The following FGF13 variants were observed in gnomAD, a reference collection of about 807,000 sequenced individuals.
The protein encoded by FGF13 is fibroblast growth factor 13.
FGF13 carries 2 observed loss-of-function variants against 19.5 expected under a neutral mutation model. The observed-to-expected ratio is 0.10, with a 90% CI of 0.04 to 0.32. The LOEUF is 0.32. FGF13 is among the 10% of genes least tolerant of loss of function. The probability of loss-of-function intolerance (pLI) is 1.00; values close to 1 mark genes in which losing one functional copy is unlikely to be tolerated. For synonymous variants in FGF13, 72 were observed against 76.9 expected (o/e 0.94, Z 0.33); for missense variants, 113 against 192.7 (o/e 0.59, Z 2.45).
intron 3 of FGF13, among the ~76,000 whole-genome samples, chrX:138,816,663 C>T (rs997938364): frequency 2.7e-5 from 3 of 112,604 alleles, no homozygotes; most frequent in African/African-American, 9.7e-5. Context: ...CAAGCTTGTC[C>T]AACCCATGGC....
At chrX:138,911,587 ACCTG>A (rs1422426526) in intron 1 of FGF13, among the ~76,000 whole-genome samples, 2 of 111,005 alleles carry the variant, frequency 1.8e-5, no homozygotes, top group African/African-American at 6.6e-5. Flanking sequence ...TATATAACAA[ACCTG>A]CACATGTACC....
At chrX:139,119,769 G>T (rs149137612) in intron 1 of FGF13, among the ~76,000 whole-genome samples, 1 of 112,369 alleles carries the variant, frequency 8.9e-6, no homozygotes, top group East Asian at 2.8e-4. Context: ...CATAAAGCAG[G>T]CACTCTTTTA....
intron 3 of FGF13, among the ~76,000 whole-genome samples, chrX:138,845,064 G>A (rs2091172410): frequency 9.0e-6 from 1 of 111,672 alleles, no homozygotes; most frequent in African/African-American, 3.2e-5. Flanking sequence ...ATATTGTTGA[G>A]CCCAGGAAGG....
At chrX:138,902,815 T>A (rs1002945075) in intron 1 of FGF13, among the ~76,000 whole-genome samples, 3 of 111,768 alleles carry the variant, frequency 2.7e-5, no homozygotes, top group Non-Finnish European at 5.6e-5. Flanking sequence ...ATCACCTAAA[T>A]GCCTAAGTAA....
intron 1 of FGF13, among the ~76,000 whole-genome samples, chrX:139,093,266 A>G (rs1421079783): frequency 2.7e-5 from 3 of 111,868 alleles, no homozygotes; most frequent in Non-Finnish European, 3.8e-5. Context: ...TCACAATCAC[A>G]CCTCAGCTTT....
intron 3 of FGF13, among the ~76,000 whole-genome samples, chrX:138,801,825 T>G (rs2090831574): frequency 8.9e-6 from 1 of 112,377 alleles, no homozygotes; most frequent in African/African-American, 3.2e-5. Context: ...ACAGCTGCTT[T>G]GCTGCACTGT....
At chrX:138,758,511 C>G (rs1178963394) in intron 3 of FGF13, among the ~76,000 whole-genome samples, 3 of 111,093 alleles carry the variant, frequency 2.7e-5, no homozygotes, top group African/African-American at 9.8e-5. Context: ...CCACTCATCT[C>G]TGCTCTGGAT....
At chrX:138,679,137 C>T (rs1467495796) in intron 3 of FGF13, among the ~76,000 whole-genome samples, 1 of 112,189 alleles carries the variant, frequency 8.9e-6, no homozygotes. Flanking sequence ...AGTGCTGTGA[C>T]ATGATCACAG....
At chrX:139,008,806 A>G (rs1229683688) in intron 1 of FGF13, among the ~76,000 whole-genome samples, 1 of 112,023 alleles carries the variant, frequency 8.9e-6, no homozygotes, top group Non-Finnish European at 1.9e-5. Context: ...TAACACCCCC[A>G]AAACATCATA....
chrX:139,121,502 C>T (rs1216582729), intron 1 of FGF13, among the ~76,000 whole-genome samples: 1 of 111,147 alleles, frequency 9.0e-6, no homozygotes, highest in Non-Finnish European at 1.9e-5. Context: ...TGTGCTCAAA[C>T]TCTCTTCCTG....
At chrX:138,725,718 C>A (rs890461338) in intron 1 of FGF13, among the ~76,000 whole-genome samples, 1 of 110,977 alleles carries the variant, frequency 9.0e-6, no homozygotes, top group Non-Finnish European at 1.9e-5. Flanking sequence ...TTTTTCCTAA[C>A]GGTATTTGGC....
intron 3 of FGF13, among the ~76,000 whole-genome samples, chrX:138,800,824 C>G (rs773644244): frequency 4.5e-5 from 5 of 111,985 alleles, no homozygotes; most frequent in African/African-American, 1.6e-4. Flanking sequence ...TGCTTTATTT[C>G]AGTAAGCTGA....
intron 2 of FGF13, 38 bp from the exon 3 acceptor site, chrX:138,703,125 T>C (rs886540291): frequency 3.0e-5 from 32 of 1,056,972 alleles, no homozygotes; most frequent in Non-Finnish European, 3.6e-5. Flanking sequence ...GTGTTACAAT[T>C]CTGAATTTCA....
chrX:138,856,629 G>C (rs1490308797), downstream of FGF13, among the ~76,000 whole-genome samples: 1 of 112,027 alleles, frequency 8.9e-6, no homozygotes, highest in Non-Finnish European at 1.9e-5. Flanking sequence ...TTGGTAAACT[G>C]CCTCAGTGAT....
intron 1 of FGF13, among the ~76,000 whole-genome samples, chrX:138,888,399 T>C (rs2124190834): frequency 9.0e-6 from 1 of 111,364 alleles, no homozygotes; most frequent in East Asian, 2.8e-4. Flanking sequence ...TCTCACTATC[T>C]CTTCTACTTC....
chrX:138,914,313 T>C (rs1248323272), intron 1 of FGF13, among the ~76,000 whole-genome samples: 13 of 109,194 alleles, frequency 1.2e-4, no homozygotes, highest in Admixed American at 1.1e-3. Flanking sequence ...ACAATCCTTC[T>C]GGCCCCATCC....
intron 3 of FGF13, chrX:138,667,787 C>G: frequency 2.9e-6 from 1 of 343,213 alleles, no homozygotes; most frequent in South Asian, 2.7e-5. Flanking sequence ...GGTCTCCCAA[C>G]AGCAGCTGAT....
chrX:138,963,705 G>C (rs2091884094), intron 1 of FGF13, among the ~76,000 whole-genome samples: 1 of 112,326 alleles, frequency 8.9e-6, no homozygotes, highest in Non-Finnish European at 1.9e-5. Flanking sequence ...AGCCTACTGA[G>C]TAGCAAAATA....
intron 1 of FGF13, among the ~76,000 whole-genome samples, chrX:138,965,397 G>A (rs2091890893): frequency 8.9e-6 from 1 of 112,324 alleles, no homozygotes; most frequent in African/African-American, 3.2e-5. Flanking sequence ...TTGACACAAA[G>A]GATGGACTTG....
Sources: allele counts gnomAD v4.1 joint callset (sites outside exome capture counted in the v4.1 genomes callset), GRCh38; gene constraint gnomAD v4.1.1; transcripts MANE v1.5; gene names NCBI Gene and HGNC (gene_info 2026-07-23, HGNC 2026-07-21).